SHTN1: variants seen among roughly 807,000 people sequenced by gnomAD.
SHTN1 encodes the protein shootin 1.
SHTN1 carries 42 observed loss-of-function variants against 83.1 expected under a neutral mutation model. The observed-to-expected ratio is 0.51, with a 90% CI of 0.39 to 0.65. SHTN1 has a LOEUF of 0.65. SHTN1 is among the 30% of genes least tolerant of loss of function. The probability of loss-of-function intolerance (pLI) is 0.00; values close to 1 mark genes in which losing one functional copy is unlikely to be tolerated. For synonymous variants in SHTN1, 224 were observed against 247.7 expected (o/e 0.90, Z 0.90); for missense variants, 622 against 737.8 (o/e 0.84, Z 1.82).
At chr10:117,067,254 C>T (rs1285020362) in intron 1 of SHTN1, among the ~76,000 whole-genome samples, 3 of 152,184 alleles carry the variant, frequency 2.0e-5, no homozygotes, top group Non-Finnish European at 4.4e-5. Context: ...TGAGGAGCCA[C>T]TGAAGAGTTT....
chr10:117,009,115 C>CA (rs1400648765), upstream of SHTN1, among the ~76,000 whole-genome samples: 17 of 149,802 alleles, frequency 1.1e-4, no homozygotes, highest in East Asian at 3.9e-4. Flanking sequence ...AATTCTGTCT[C>CA]AAAAAAAAGA....
At chr10:117,066,579 A>G (rs1472791038) in intron 1 of SHTN1, among the ~76,000 whole-genome samples, 1 of 152,230 alleles carries the variant, frequency 6.6e-6, no homozygotes, top group East Asian at 1.9e-4. Flanking sequence ...AATAGTTACT[A>G]CAAAAGCCCT....
intron 1 of SHTN1, among the ~76,000 whole-genome samples, chr10:116,981,332 G>A (rs908079521): frequency 6.6e-6 from 1 of 151,948 alleles, no homozygotes; most frequent in Non-Finnish European, 1.5e-5. Flanking sequence ...AAAACAAAAC[G>A]AAACAAAACA....
At chr10:117,029,864 C>T (rs1448818467) in intron 2 of SHTN1, among the ~76,000 whole-genome samples, 1 of 150,652 alleles carries the variant, frequency 6.6e-6, no homozygotes, top group African/African-American at 2.4e-5. Flanking sequence ...CTCTCTCCCT[C>T]CCTCCCTCTC....
intron 1 of SHTN1, among the ~76,000 whole-genome samples, chr10:117,088,002 C>T (rs1446394347): frequency 6.6e-6 from 1 of 152,164 alleles, no homozygotes; most frequent in Non-Finnish European, 1.5e-5. Context: ...ACTCAGAAGG[C>T]TGAGGCAGGA....
At chr10:117,116,734 T>C (rs1456238296) in intron 1 of SHTN1, among the ~76,000 whole-genome samples, 3 of 152,150 alleles carry the variant, frequency 2.0e-5, no homozygotes, top group Non-Finnish European at 4.4e-5. Flanking sequence ...GATTCCTCCT[T>C]GGGATGCAAG....
intron 1 of SHTN1, among the ~76,000 whole-genome samples, chr10:117,121,336 G>A (rs1423399602): frequency 6.6e-6 from 1 of 152,106 alleles, no homozygotes. Context: ...CCAGCAATTT[G>A]GGAGGCCGAG....
chr10:116,892,430 AC>A, intron 16 of SHTN1, among the ~76,000 whole-genome samples: 1 of 152,330 alleles, frequency 6.6e-6, no homozygotes, highest in African/African-American at 2.4e-5. Flanking sequence ...ATAATTCTGC[AC>A]AACATTAAGT....
At chr10:116,906,793 C>T (rs2133336865) in intron 14 of SHTN1, 46 bp from the exon 15 acceptor site, 1 of 1,471,266 alleles carries the variant, frequency 6.8e-7, no homozygotes, top group South Asian at 1.3e-5. Flanking sequence ...TGTCTTAATA[C>T]AATATACAAA....
intron 2 of SHTN1, among the ~76,000 whole-genome samples, chr10:116,976,122 C>T (rs1905541): frequency 0.3 from 45,026 of 152,030 alleles, 7,000 homozygotes; most frequent in East Asian, 0.52. Flanking sequence ...GGGAACCTCA[C>T]TCAAGCCCTG....
At chr10:117,011,114 C>T (rs942356625) in intron 2 of SHTN1, among the ~76,000 whole-genome samples, 4 of 152,114 alleles carry the variant, frequency 2.6e-5, no homozygotes, top group South Asian at 4.1e-4. Context: ...GAAAGGAGGA[C>T]GTAAAGCTAT....
chr10:116,983,674 AG>A (rs879616948), intron 1 of SHTN1, among the ~76,000 whole-genome samples: 8,279 of 78,120 alleles, frequency 0.11, 257 homozygotes, highest in East Asian at 0.22. Flanking sequence ...ATAGATAGAT[AG>A]ATAGATAGAT....
chr10:116,979,197 C>T (rs1312361096), intron 2 of SHTN1, 59 bp downstream of exon 2: 1 of 1,411,004 alleles, frequency 7.1e-7, no homozygotes, highest in Non-Finnish European at 1.0e-6. Context: ...GAACAATGCA[C>T]TATGCCGCCT....
chr10:117,066,851 G>A (rs1001547333), intron 1 of SHTN1, among the ~76,000 whole-genome samples: 5 of 152,172 alleles, frequency 3.3e-5, no homozygotes, highest in African/African-American at 1.2e-4. Flanking sequence ...CCAGAAGGCA[G>A]CAAATAACAG....
At chr10:116,994,082 C>G (rs973369141) in intron 1 of SHTN1, among the ~76,000 whole-genome samples, 2 of 151,964 alleles carry the variant, frequency 1.3e-5, no homozygotes, top group Non-Finnish European at 1.5e-5. Context: ...GATTAAAACT[C>G]TAATTAATAT....
At chr10:116,981,488 T>C (rs1342742982) in intron 1 of SHTN1, among the ~76,000 whole-genome samples, 1 of 152,196 alleles carries the variant, frequency 6.6e-6, no homozygotes, top group Non-Finnish European at 1.5e-5. Flanking sequence ...TCCCCACCTT[T>C]TTAACTGAAA....
In SHTN1 at chr10:116,901,773, A is replaced by G. The variant is rs1290798589; in HGVS notation, c.1665T>C (p.Val555=). 1 of 1,595,160 alleles carries G rather than the reference A, an allele frequency of 6.3e-7. No individual in the cohort carries two copies. The highest frequency in any genetic ancestry group is 8.5e-7 in the Non-Finnish European group (1 of 1,173,968). Reference sequence around the variant, plus strand: ...AGAGCATCGTTACTTACTGAAACGTAACCTTGGAACTTGTGCATCCTTCCA... The same window carrying G: ...AGAGCATCGTTACTTACTGAAACGTGACCTTGGAACTTGTGCATCCTTCCA... ...RKLEGCTSSK[V]TFQPPSSIGC... is the part of the protein sequence containing the mutation. The change falls in exon 16 of 17, where the codon GTT becomes GTC. Residue 555 remains valine (V), a synonymous_variant. Coordinates refer to ENST00000355371, the MANE Select transcript of SHTN1 (RefSeq NM_001127211.3).
intron 2 of SHTN1, among the ~76,000 whole-genome samples, chr10:117,013,949 GAATA>G (rs1852144110): frequency 6.6e-6 from 1 of 151,842 alleles, no homozygotes; most frequent in African/African-American, 2.4e-5. Flanking sequence ...CCATAAAATG[GAATA>G]TATACATCAA....
intron 16 of SHTN1, among the ~76,000 whole-genome samples, chr10:116,897,564 C>T (rs1847567356): frequency 6.6e-6 from 1 of 152,204 alleles, no homozygotes; most frequent in Non-Finnish European, 1.5e-5. Context: ...GGTCTAGTAT[C>T]TTAGCTTTGG....
Sources: allele counts gnomAD v4.1 joint callset (sites outside exome capture counted in the v4.1 genomes callset), GRCh38; gene constraint gnomAD v4.1.1; transcripts MANE v1.5; gene names NCBI Gene and HGNC (gene_info 2026-07-23, HGNC 2026-07-21).